The following PAXIP1 variants were observed in gnomAD, a reference collection of about 807,000 sequenced individuals.
PAXIP1 encodes PAX interacting protein 1, also known as PAX-interacting protein 1.
Under a neutral mutation model 140.6 loss-of-function variants are expected in PAXIP1, and 19 were observed. That is an observed-to-expected ratio of 0.14 (90% CI 0.09 to 0.20). PAXIP1 has a LOEUF of 0.20. PAXIP1 is among the 10% of genes least tolerant of loss of function. The pLI, the probability that PAXIP1 is intolerant of heterozygous loss-of-function variation, is 1.00. For missense variants in PAXIP1, 920 were observed against 1,208.6 expected (o/e 0.76, Z 3.54); for synonymous variants, 442 against 444.6 (o/e 0.99, Z 0.07).
intron 2 of PAXIP1, among the ~76,000 whole-genome samples, chr7:154,994,654 T>G (rs934725549): frequency 6.6e-6 from 1 of 152,162 alleles, no homozygotes; most frequent in African/African-American, 2.4e-5. Flanking sequence ...TTAAATAAAT[T>G]TCAGACAATG....
intron 4 of PAXIP1, among the ~76,000 whole-genome samples, chr7:154,989,835 A>C (rs1810242071): frequency 6.6e-6 from 1 of 152,188 alleles, no homozygotes; most frequent in Admixed American, 6.5e-5. Flanking sequence ...CCATGTCTTT[A>C]CAAGTTTTCA....
chr7:154,980,852 C>A (rs1327285657), intron 5 of PAXIP1, among the ~76,000 whole-genome samples: 1 of 152,136 alleles, frequency 6.6e-6, no homozygotes, highest in Non-Finnish European at 1.5e-5. Context: ...AAATTAAGGG[C>A]TGGGAGTGGT....
At position 154,946,675 on chromosome 7, in the gene PAXIP1, C is replaced by T. The variant is rs748534474; in HGVS notation, c.3057+4G>A. Reference sequence around the variant, plus strand: ...GACTCGCTGGCGGACTCCACTCTACCCACCGAGTTCTGCTTGTGCTCCATG... The same window carrying T: ...GACTCGCTGGCGGACTCCACTCTACTCACCGAGTTCTGCTTGTGCTCCATG... On this transcript the variant is annotated splice_donor_region_variant and intron_variant, in intron 18 of 20. Transcript: ENST00000404141. This position sits in a 1 kb window ranked among gnomAD's most constrained non-coding sequence, Gnocchi z 4.9. 15 of 1,613,618 alleles carry T rather than the reference C, an allele frequency of 9.3e-6. No individual in the cohort carries two copies. The South Asian group carries it at 1.6e-4, about 18-fold the overall frequency.
rs1050960282 is a variant in PAXIP1 at position 154,973,671 on chromosome 7, A to G, written c.1074+2025T>C. ...GAGACAAAGATTTTGTCTGTCCCAC[A>G]GCATTTCTAAACACTACGTAAACCA... On this transcript the variant is annotated intron_variant, in intron 6 of 20. Coordinates refer to ENST00000404141, the MANE Select transcript of PAXIP1 (RefSeq NM_007349.4). This position sits in a 1 kb window ranked among gnomAD's most constrained non-coding sequence, Gnocchi z 4.0. Among the ~76,000 whole-genome samples the G allele has an allele frequency of 6.6e-6, 1 of 152,214 alleles. No individual in the cohort carries two copies.
intron 2 of PAXIP1, 31 bp from the exon 3 acceptor site, chr7:154,993,800 T>G: frequency 6.6e-7 from 1 of 1,526,128 alleles, no homozygotes; most frequent in Non-Finnish European, 8.9e-7. Flanking sequence ...TCAAAAAGTA[T>G]TCTCAATTTA....
chr7:154,988,328 C>T (rs775078664), intron 4 of PAXIP1, among the ~76,000 whole-genome samples: 5 of 152,160 alleles, frequency 3.3e-5, no homozygotes, highest in Non-Finnish European at 7.3e-5. Context: ...TCCCTCGCCT[C>T]GCAATCCAGA....
At position 154,961,559 on chromosome 7, in the gene PAXIP1, T is replaced by C. The variant is rs748444305; in HGVS notation, c.2217A>G (p.Leu739=). The change falls in exon 11 of 21, where the codon CTA becomes CTG. Residue 739 remains leucine (L), a synonymous_variant. Coordinates refer to ENST00000404141, the MANE Select transcript of PAXIP1 (RefSeq NM_007349.4). ...AGATGAGGACTGTGTTGCTGCGGCA[T>C]AGATAACCCGTATATTTGGCACCTG... ...YLAGAKYTGY[L]CRSNTVLICK... is the part of the protein sequence containing the mutation. The C allele has an allele frequency of 1.9e-6, 3 of 1,607,726 alleles. No individual in the cohort carries two copies. The highest frequency in any genetic ancestry group is 1.3e-5 in the African/African-American group (1 of 75,008).
chr7:154,989,754 A>G (rs899591689), intron 4 of PAXIP1, among the ~76,000 whole-genome samples: 9 of 152,174 alleles, frequency 5.9e-5, no homozygotes, highest in African/African-American at 2.2e-4. Context: ...CTCATTTCAG[A>G]TATTTTATCT....
chr7:154,976,011 T>C lies in PAXIP1; in HGVS notation c.759A>G (p.Ser253=), dbSNP rs570044914. 1 of 1,612,868 alleles carries C rather than the reference T, an allele frequency of 6.2e-7. No homozygotes were observed. ...TCTCCTGTTTTTCCGGTGATGAATC[T>C]GAAGAATCATCAAACATTAATTCCC... ...SKGELMFDDS[S]DSSPEKQERN... Residue 253 remains serine (S), a synonymous_variant, in exon 6 of 21, where the codon TCA becomes TCG. Coordinates refer to ENST00000404141, the MANE Select transcript of PAXIP1 (RefSeq NM_007349.4).
At chr7:154,962,910 AG>A (rs1808822073) in intron 9 of PAXIP1, among the ~76,000 whole-genome samples, 1 of 152,236 alleles carries the variant, frequency 6.6e-6, no homozygotes, top group South Asian at 2.1e-4. Flanking sequence ...CCTCTTTAAG[AG>A]GGGTGTCTTG....
At chr7:154,994,201 G>A (rs1489489392) in intron 2 of PAXIP1, among the ~76,000 whole-genome samples, 2 of 152,064 alleles carry the variant, frequency 1.3e-5, no homozygotes, top group Non-Finnish European at 2.9e-5. Flanking sequence ...GTGAAGTCAA[G>A]CAGATACAAT....
At position 154,956,035 on chromosome 7, in the gene PAXIP1, A is replaced by G. The variant is rs1367443447; in HGVS notation, c.2550-404T>C. Reference sequence around the variant, plus strand: ...TTTTTAAGATAACCTTGTGTGACTCAGGCCATTCCTTGTTTGCACGTTCAC... The same window carrying G: ...TTTTTAAGATAACCTTGTGTGACTCGGGCCATTCCTTGTTTGCACGTTCAC... On this transcript the variant is annotated intron_variant, in intron 14 of 20. Coordinates refer to ENST00000404141, the MANE Select transcript of PAXIP1 (RefSeq NM_007349.4). This position sits in a 1 kb window ranked among gnomAD's most constrained non-coding sequence, Gnocchi z 4.2. 1.3e-5 allele frequency among the ~76,000 whole-genome samples: 2 copies of G among 152,216 alleles called. No homozygotes were observed. Among genetic ancestry groups the G allele is most frequent in the Non-Finnish European group, 2.9e-5 (2 of 68,040 alleles).
chr7:154,992,486 T>A (rs548612490), intron 3 of PAXIP1, among the ~76,000 whole-genome samples: 1 of 151,892 alleles, frequency 6.6e-6, no homozygotes, highest in Admixed American at 6.5e-5. Flanking sequence ...TCCCAGCTAC[T>A]CAGGAGGCTG....
chr7:154,994,085 C>T (rs1810469783), intron 2 of PAXIP1, among the ~76,000 whole-genome samples: 1 of 152,106 alleles, frequency 6.6e-6, no homozygotes, highest in South Asian at 2.1e-4. Flanking sequence ...CATCCTGCCC[C>T]ACCACCGCCG....
intron 4 of PAXIP1, among the ~76,000 whole-genome samples, chr7:154,990,243 G>A (rs905232357): frequency 5.9e-5 from 9 of 152,056 alleles, no homozygotes; most frequent in East Asian, 3.9e-4. Context: ...GTTTCGCCAC[G>A]TTTGCCAGGC....
chr7:154,947,640 A>T (rs1808054585), intron 17 of PAXIP1: 1 of 359,070 alleles, frequency 2.8e-6, no homozygotes, highest in Admixed American at 4.2e-5. Context: ...TGAATAACTT[A>T]TTTCTCATAG....
intron 2 of PAXIP1, among the ~76,000 whole-genome samples, chr7:154,997,722 T>C (rs1232316949): frequency 6.6e-6 from 1 of 152,202 alleles, no homozygotes; most frequent in Non-Finnish European, 1.5e-5. Context: ...AATCCCTCAT[T>C]CTCTGCAATA....
chr7:154,977,719 ATAGTT>A (rs1231134015), intron 5 of PAXIP1, among the ~76,000 whole-genome samples: 4 of 152,222 alleles, frequency 2.6e-5, no homozygotes, highest in Admixed American at 1.3e-4. Context: ...TTTTTAGGGT[ATAGTT>A]TAAATTTATT....
chr7:154,982,262 T>C (rs113414687), intron 5 of PAXIP1, among the ~76,000 whole-genome samples: 1 of 152,356 alleles, frequency 6.6e-6, no homozygotes, highest in African/African-American at 2.4e-5. Context: ...GAAACTTTAG[T>C]ATGCATCAGA....
Sources: allele counts gnomAD v4.1 joint callset (sites outside exome capture counted in the v4.1 genomes callset), GRCh38; gene constraint gnomAD v4.1.1; non-coding constraint Gnocchi (gnomAD v3.1); transcripts MANE v1.5; gene names NCBI Gene and HGNC (gene_info 2026-07-23, HGNC 2026-07-21).